SLC28A3: variants seen among roughly 807,000 people sequenced by gnomAD.
SLC28A3 encodes the protein solute carrier family 28 member 3.
Under a neutral mutation model 84.2 loss-of-function variants are expected in SLC28A3, and 68 were observed. The observed-to-expected ratio is 0.81, with a 90% CI of 0.66 to 0.99. SLC28A3 has a LOEUF of 0.99. Among genes scored for constraint, SLC28A3 ranks in the 50% least tolerant of loss-of-function variants. The pLI is 0.00. For synonymous variants in SLC28A3, 267 were observed against 303.6 expected (o/e 0.88, Z 1.25); for missense variants, 712 against 841.5 (o/e 0.85, Z 1.90).
chr9:84,329,861 C>G (rs372240153), intron 1 of SLC28A3, among the ~76,000 whole-genome samples: 2 of 151,812 alleles, frequency 1.3e-5, no homozygotes, highest in African/African-American at 4.8e-5. Context: ...TAGCATGGCC[C>G]TCATCACAAA....
the SLC28A3 span, among the ~76,000 whole-genome samples, chr9:84,350,121 T>C: frequency 6.6e-6 from 1 of 152,308 alleles, no homozygotes; most frequent in Admixed American, 6.5e-5. Flanking sequence ...CATTTAAATA[T>C]ATCTAAACAT....
intron 3 of SLC28A3, among the ~76,000 whole-genome samples, chr9:84,307,441 A>C (rs1345312717): frequency 3.3e-5 from 5 of 150,706 alleles, no homozygotes; most frequent in Non-Finnish European, 7.4e-5. Context: ...AAAAAAAAAA[A>C]AAAACAAAAA....
At chr9:84,330,350 A>G (rs1299000913) in intron 1 of SLC28A3, among the ~76,000 whole-genome samples, 2 of 152,236 alleles carry the variant, frequency 1.3e-5, no homozygotes, top group African/African-American at 4.8e-5. Flanking sequence ...TAAAGTTGTT[A>G]CTTTAATTTT....
At chr9:84,297,153 C>G in intron 8 of SLC28A3, 68 bp downstream of exon 8, 1 of 1,398,064 alleles carries the variant, frequency 7.2e-7, no homozygotes, top group Non-Finnish European at 1.0e-6. Context: ...TAAGTTCTAT[C>G]TGAACATCTA....
intron 1 of SLC28A3, among the ~76,000 whole-genome samples, chr9:84,325,625 C>T (rs574804147): frequency 6.6e-6 from 1 of 152,134 alleles, no homozygotes; most frequent in Non-Finnish European, 1.5e-5. Context: ...TTTGTTGAAT[C>T]AATAATTGCC....
chr9:84,353,978 C>T, the SLC28A3 span, among the ~76,000 whole-genome samples: 26 of 152,320 alleles, frequency 1.7e-4, 1 homozygote, highest in African/African-American at 5.3e-4. Context: ...TCCTACTTAT[C>T]GGCTTCCTCT....
chr9:84,309,664 G>A lies in SLC28A3; in HGVS notation c.207C>T (p.His69=), dbSNP rs141035774. The change falls in exon 3 of 18, where the codon CAC becomes CAT. Residue 69 remains histidine (H), a synonymous_variant. Transcript: ENST00000376238. ...VEQDSPRNRE[H]MEDDDEEMQQ... The stretch of plus-strand genomic sequence containing the variant: ...GCATCTCCTCATCATCATCCTCCAT[G>A]TGTTCTCTGTTTCTTGGAGAATCCT... 6.2e-7 allele frequency: 1 copy of A among 1,612,984 alleles called. No individual in the cohort carries two copies. Among genetic ancestry groups the A allele is most frequent in the African/African-American group, 1.3e-5 (1 of 74,582 alleles).
intron 1 of SLC28A3, among the ~76,000 whole-genome samples, chr9:84,329,953 TGTAATTGCTTATATTATCAAGAA>T (rs1393679695): frequency 6.6e-6 from 1 of 152,142 alleles, no homozygotes; most frequent in East Asian, 1.9e-4. Context: ...ATTTTATAAT[TGTAATTGCTTATATTATCAAGAA>T]GTAAGATCTC....
chr9:84,364,420 G>A, the SLC28A3 span, among the ~76,000 whole-genome samples: 483 of 152,086 alleles, frequency 3.2e-3, 1 homozygote, highest in African/African-American at 0.011. Context: ...ACAAGGTCTT[G>A]CTATGTTGCC....
At chr9:84,333,173 T>A (rs967980209) in intron 1 of SLC28A3, among the ~76,000 whole-genome samples, 2 of 152,186 alleles carry the variant, frequency 1.3e-5, no homozygotes, top group African/African-American at 4.8e-5. Context: ...GCATTTTACA[T>A]AAGATAATAC....
chr9:84,322,705 C>G (rs1449711624), intron 1 of SLC28A3, among the ~76,000 whole-genome samples: 2 of 152,020 alleles, frequency 1.3e-5, no homozygotes, highest in Non-Finnish European at 2.9e-5. Context: ...ATTAGCCCAG[C>G]ATGGTGTTGC....
chr9:84,337,622 T>C (rs529745257), intron 1 of SLC28A3, among the ~76,000 whole-genome samples: 67 of 152,290 alleles, frequency 4.4e-4, no homozygotes, highest in Non-Finnish European at 1.8e-4. Context: ...AAGAAATCCT[T>C]AGATATTCCA....
intron 11 of SLC28A3, 24 bp downstream of exon 11, chr9:84,290,130 T>C (rs944901515): frequency 6.8e-6 from 11 of 1,609,894 alleles, no homozygotes; most frequent in Non-Finnish European, 9.3e-6. Flanking sequence ...GGTTGGTGTT[T>C]TCATAATTCC....
chr9:84,312,542 C>CTTTT (rs35691184), intron 2 of SLC28A3, among the ~76,000 whole-genome samples: 32 of 134,376 alleles, frequency 2.4e-4, no homozygotes, highest in African/African-American at 6.5e-4. Flanking sequence ...CCCCAAATTC[C>CTTTT]TTTTTTTTTT....
chr9:84,282,715 A>G (rs1824806388), intron 14 of SLC28A3, among the ~76,000 whole-genome samples: 2 of 152,236 alleles, frequency 1.3e-5, no homozygotes, highest in African/African-American at 4.8e-5. Context: ...TGTTCACCAG[A>G]GGCACACCCA....
chr9:84,363,313 G>A, the SLC28A3 span, among the ~76,000 whole-genome samples: 1 of 152,290 alleles, frequency 6.6e-6, no homozygotes, highest in South Asian at 2.1e-4. Context: ...ACCAAGAGGG[G>A]AGAAATCAAT....
chr9:84,305,227 G>T, intron 4 of SLC28A3, 27 bp downstream of exon 4: 1 of 1,480,720 alleles, frequency 6.8e-7, no homozygotes, highest in Non-Finnish European at 9.3e-7. Flanking sequence ...AAAGACAGTG[G>T]TATCCCTAAC....
chr9:84,310,563 C>T, intron 2 of SLC28A3: 1 of 985,426 alleles, frequency 1.0e-6, no homozygotes, highest in Non-Finnish European at 1.2e-6. Context: ...TGTCTTCTGT[C>T]ATATCCAATG....
Position 84,279,345 on chromosome 9 carries a change from G to T in SLC28A3, c.1869C>A (p.His623Gln). Reference sequence around the variant, plus strand: ...TGGAGTTGAAGGCATTCTCTAAAACGTGATGGCAGTTGATGTCCACAGGAG... The same window carrying T: ...TGGAGTTGAAGGCATTCTCTAAAACTTGATGGCAGTTGATGTCCACAGGAG... ...SSTPVDINCH[H>Q]VLENAFNSTF... Residue 623 changes from histidine to glutamine, a missense_variant, in exon 17 of 18, where the codon CAC (histidine) becomes CAA (glutamine). By Grantham distance (24) the His-to-Gln change is conservative. Coordinates refer to ENST00000376238, the MANE Select transcript of SLC28A3 (RefSeq NM_001199633.2). The T allele has an allele frequency of 6.2e-7, 1 of 1,613,032 alleles. No individual in the cohort carries two copies.
Sources: gnomAD v4.1 joint callset for allele counts (sites outside exome capture counted in the v4.1 genomes callset) on GRCh38, gnomAD v4.1.1 for gene constraint, MANE v1.5 for transcripts, NCBI Gene and HGNC (gene_info 2026-07-23, HGNC 2026-07-21) for gene names.